The following KCNH1 variants were observed in gnomAD, a reference collection of about 807,000 sequenced individuals.
KCNH1 encodes voltage-gated delayed rectifier potassium channel KCNH1.
A neutral mutation model predicts 69.2 loss-of-function variants in KCNH1; 27 were observed. That is an observed-to-expected ratio of 0.39 (90% CI 0.29 to 0.54). KCNH1 has a LOEUF of 0.54. KCNH1 is among the 20% of genes least tolerant of loss of function. The pLI, the probability that KCNH1 is intolerant of heterozygous loss-of-function variation, is 0.68. For synonymous variants in KCNH1, 456 were observed against 487.7 expected, an observed-to-expected ratio of 0.93 and a Z score of 0.86; for missense variants, 798 against 1,261.6, an observed-to-expected ratio of 0.63 and a Z score of 5.57.
chr1:210,798,102 T>TGC (rs1684355991), intron 8 of KCNH1, among the ~76,000 whole-genome samples: 2 of 150,462 alleles, frequency 1.3e-5, no homozygotes, highest in African/African-American at 4.9e-5. Context: ...TGCAGTGGCA[T>TGC]GATCTCGGCT....
intron 7 of KCNH1, among the ~76,000 whole-genome samples, chr1:210,846,819 G>A (rs1411296038): frequency 1.3e-5 from 2 of 152,174 alleles, no homozygotes; most frequent in South Asian, 4.1e-4. Flanking sequence ...GAAAATTTTT[G>A]CAACCTACTC....
chr1:210,920,100 A>G, intron 6 of KCNH1, 31 bp from the exon 7 acceptor site: 1 of 1,592,914 alleles, frequency 6.3e-7, no homozygotes, highest in Non-Finnish European at 8.6e-7. Context: ...CGTCAGGGCC[A>G]AAGAACCAAA....
chr1:210,928,315 C>A (rs1485838386), intron 6 of KCNH1, among the ~76,000 whole-genome samples: 2 of 152,108 alleles, frequency 1.3e-5, no homozygotes, highest in African/African-American at 4.8e-5. Flanking sequence ...ATATGATAGG[C>A]CACAAAACAG....
chr1:210,941,800 T>C (rs182483579), intron 6 of KCNH1, among the ~76,000 whole-genome samples: 2 of 152,242 alleles, frequency 1.3e-5, no homozygotes, highest in East Asian at 1.9e-4. Context: ...TCAGGGATGT[T>C]CTAGGTTTAA....
chr1:211,015,357 T>C (rs1689474159), intron 6 of KCNH1, among the ~76,000 whole-genome samples: 1 of 152,238 alleles, frequency 6.6e-6, no homozygotes, highest in Non-Finnish European at 1.5e-5. Context: ...CCATTATTAC[T>C]GTGATTATAT....
chr1:210,748,852 C>T (rs1683220918), intron 10 of KCNH1, among the ~76,000 whole-genome samples: 1 of 152,220 alleles, frequency 6.6e-6, no homozygotes, highest in Non-Finnish European at 1.5e-5. Flanking sequence ...TTCCCACTCC[C>T]CAGATTTATT....
At chr1:211,050,155 T>C (rs1690170545) in intron 5 of KCNH1, among the ~76,000 whole-genome samples, 1 of 151,366 alleles carries the variant, frequency 6.6e-6, no homozygotes, top group East Asian at 1.9e-4. Context: ...AGCACCTATA[T>C]GTGTGTTTCT....
intron 5 of KCNH1, among the ~76,000 whole-genome samples, chr1:211,047,010 A>G (rs1414933767): frequency 6.6e-6 from 1 of 152,236 alleles, no homozygotes; most frequent in Non-Finnish European, 1.5e-5. Flanking sequence ...TTTTAATCCA[A>G]TAATTTAATG....
chr1:211,065,885 C>A (rs900973011), intron 5 of KCNH1, among the ~76,000 whole-genome samples: 1 of 151,876 alleles, frequency 6.6e-6, no homozygotes, highest in African/African-American at 2.4e-5. Flanking sequence ...CACAGTGAGA[C>A]CCCCATCTCT....
In KCNH1 at chr1:210,801,826, G is replaced by A. The variant is rs138781498; in HGVS notation, c.1662+2141C>T. Reference sequence around the variant, plus strand: ...TTGGGGCAGGTGGTTGGCAAAAGCAGCGACTAAGTTCAGCTCCAGCCGATA... The same window carrying A: ...TTGGGGCAGGTGGTTGGCAAAAGCAACGACTAAGTTCAGCTCCAGCCGATA... On this transcript the variant is annotated intron_variant, in intron 8 of 10. Coordinates refer to ENST00000271751, the MANE Select transcript of KCNH1 (RefSeq NM_172362.3). Among the ~76,000 whole-genome samples the A allele has an allele frequency of 3.9e-3, 592 of 152,348 alleles. 4 individuals carry two copies. Among genetic ancestry groups the A allele is most frequent in the African/African-American group, 0.014 (566 of 41,574 alleles).
intron 9 of KCNH1, among the ~76,000 whole-genome samples, chr1:210,791,504 T>C (rs1394868250): frequency 6.6e-6 from 1 of 152,218 alleles, no homozygotes; most frequent in Non-Finnish European, 1.5e-5. Context: ...ACATGCCACA[T>C]GCATTTCCAT....
In KCNH1 at chr1:210,898,118, C is replaced by T. The variant is rs1686910952; in HGVS notation, c.1462+21522G>A. Among the ~76,000 whole-genome samples the T allele has an allele frequency of 2.6e-5, 4 of 152,180 alleles. No homozygotes were observed. The South Asian group carries it at 6.2e-4, about 24-fold the overall frequency. Reference sequence around the variant, plus strand: ...TTGAAAAATACTCAAAATATGTCTACCATTAACAAAGACTTGGAAACCTTC... The same window carrying T: ...TTGAAAAATACTCAAAATATGTCTATCATTAACAAAGACTTGGAAACCTTC... On this transcript the variant is annotated intron_variant, in intron 7 of 10. Transcript: ENST00000271751.
rs1461414613 is a variant in KCNH1, at chr1:210,678,894, G to A, written c.*4387C>T. ...ACAGTGGCTGTAAGAAAAGTTTAATGGCAGGCAGGGAGGGCACCCACCAGT... is the reference window on the plus strand; with the variant it reads ...ACAGTGGCTGTAAGAAAAGTTTAATAGCAGGCAGGGAGGGCACCCACCAGT... On this transcript the variant is annotated 3_prime_UTR_variant, in exon 11 of 11. Coordinates refer to ENST00000271751, the MANE Select transcript of KCNH1 (RefSeq NM_172362.3). 1 of 152,196 alleles carries A rather than the reference G, an allele frequency of 6.6e-6. No homozygotes were observed. Among genetic ancestry groups the A allele is most frequent in the Non-Finnish European group, 1.5e-5 (1 of 68,048 alleles). The allele number at this position is 152,196 out of a possible 1,614,324, so 9.4% of individuals were successfully genotyped here.
At chr1:211,102,866 A>T (rs1691284594) in intron 3 of KCNH1, among the ~76,000 whole-genome samples, 1 of 152,214 alleles carries the variant, frequency 6.6e-6, no homozygotes, top group Non-Finnish European at 1.5e-5. Flanking sequence ...ACACCCATGC[A>T]GCCTTGCTAG....
intron 7 of KCNH1, among the ~76,000 whole-genome samples, chr1:210,836,907 A>G (rs1299750548): frequency 2.0e-5 from 3 of 152,174 alleles, no homozygotes; most frequent in Non-Finnish European, 4.4e-5. Flanking sequence ...TTTCTAGACA[A>G]TTCTAACACC....
At chr1:210,856,152 T>C (rs1211705117) in intron 7 of KCNH1, among the ~76,000 whole-genome samples, 1 of 152,164 alleles carries the variant, frequency 6.6e-6, no homozygotes, top group African/African-American at 2.4e-5. Flanking sequence ...AAAAACTCTG[T>C]TTTCCATATT....
At position 210,919,133 on chromosome 1, in the gene KCNH1, G is replaced by A. The variant is rs989807692; in HGVS notation, c.1462+507C>T. Reference sequence around the variant, plus strand: ...CTTTCACCAAAAAAAAGGTAATGATGTAAAGGAATGGATATGTTAATTTGC... The same window carrying A: ...CTTTCACCAAAAAAAAGGTAATGATATAAAGGAATGGATATGTTAATTTGC... On this transcript the variant is annotated intron_variant, in intron 7 of 10. Coordinates refer to ENST00000271751, the MANE Select transcript of KCNH1 (RefSeq NM_172362.3). This position sits in a 1 kb window ranked among gnomAD's most constrained non-coding sequence, Gnocchi z 4.2. The A allele has an allele frequency of 2.6e-5, 4 of 153,810 alleles. No individual in the cohort carries two copies. The highest frequency in any genetic ancestry group is 4.8e-5 in the African/African-American group (2 of 41,436). The allele number at this position is 153,810 out of a possible 1,614,324, so 9.5% of individuals were successfully genotyped here. A position where few individuals can be genotyped will look rare whatever the true frequency, so the allele number is the denominator to read the frequency against.
chr1:211,132,997 C>A (rs559887091), intron 1 of KCNH1: 17 of 152,350 alleles, frequency 1.1e-4, no homozygotes, highest in South Asian at 4.2e-4. Context: ...CTAGGACTCT[C>A]GCCTCTCAAG....
At chr1:211,120,682 G>A (rs1426590585) in intron 1 of KCNH1, among the ~76,000 whole-genome samples, 1 of 151,968 alleles carries the variant, frequency 6.6e-6, no homozygotes, top group Non-Finnish European at 1.5e-5. Context: ...AGAAAAAGAG[G>A]GGTTTTTTGG....
Sources: allele counts gnomAD v4.1 joint callset (sites outside exome capture counted in the v4.1 genomes callset), GRCh38; gene constraint gnomAD v4.1.1; non-coding constraint Gnocchi (gnomAD v3.1); transcripts MANE v1.5; gene names NCBI Gene and HGNC (gene_info 2026-07-23, HGNC 2026-07-21).